SRI: variants seen among roughly 807,000 people sequenced by gnomAD.
The protein encoded by SRI is 22 kDa protein.
SRI carries 30 observed loss-of-function variants against 33.3 expected under a neutral mutation model. The ratio of observed to expected loss-of-function variants is 0.90; its 90% confidence interval spans 0.67 to 1.22. SRI has a LOEUF of 1.22. Ranked by LOEUF, SRI falls within the 50% of genes most tolerant of loss-of-function variation. The pLI is 0.00. For missense variants in SRI, 243 were observed against 250.8 expected (o/e 0.97, Z 0.21); for synonymous variants, 75 against 89.9 (o/e 0.83, Z 0.94).
rs144922456 is a variant in SRI at position 88,210,290 on chromosome 7, C to A, written c.250-160G>T. ...TTAATGATTTAAAAATAGAAAGGGG[C>A]TATGGAGAAAAAGCTCAAGTGCCAA... On this transcript the variant is annotated intron_variant, in intron 4 of 7. Coordinates refer to ENST00000265729, the MANE Select transcript of SRI (RefSeq NM_003130.4). 1.4e-5 allele frequency: 12 copies of A among 887,682 alleles called. No homozygotes were observed. The East Asian group carries it at 2.7e-4, about 20-fold the overall frequency. The allele number at this position is 887,682 out of a possible 1,614,324, so 55.0% of individuals were successfully genotyped here.
intron 3 of SRI, among the ~76,000 whole-genome samples, chr7:88,214,244 G>A (rs1405945877): frequency 6.6e-6 from 1 of 152,212 alleles, no homozygotes; most frequent in East Asian, 1.9e-4. Flanking sequence ...AGCAAAGAGA[G>A]AAGTAGAAGG....
chr7:88,206,294 G>T lies in SRI; in HGVS notation c.*184C>A. 2 of 701,052 alleles carry T rather than the reference G, an allele frequency of 2.9e-6. No homozygotes were observed. Among genetic ancestry groups the T allele is most frequent in the Non-Finnish European group, 5.0e-6 (2 of 402,698 alleles). The allele number at this position is 701,052 out of a possible 1,614,324, so 43.4% of individuals were successfully genotyped here. On this transcript the variant is annotated 3_prime_UTR_variant, in exon 8 of 8. Transcript: ENST00000265729. ...GTGTAACAGACTAGATCTTATTAAA[G>T]TTCCAAAGAATTTATTATCAAAACT...
At chr7:88,206,536 C>T (rs1851442415) in intron 7 of SRI, 32 bp from the exon 8 acceptor site, 1 of 1,613,108 alleles carries the variant, frequency 6.2e-7, no homozygotes. Context: ...TATGACAGAC[C>T]TCAAAGCACT....
chr7:88,225,863 T>C (rs1010126678), intron 1 of SRI, among the ~76,000 whole-genome samples: 2 of 152,218 alleles, frequency 1.3e-5, no homozygotes, highest in African/African-American at 2.4e-5. Flanking sequence ...TAAGAGTTCA[T>C]TTTAGTGCAG....
chr7:88,212,727 T>C (rs764739802), intron 3 of SRI, among the ~76,000 whole-genome samples: 4 of 152,124 alleles, frequency 2.6e-5, no homozygotes, highest in Non-Finnish European at 4.4e-5. Context: ...AGGTGATAGA[T>C]ATTCATGTTA....
intron 3 of SRI, among the ~76,000 whole-genome samples, chr7:88,211,855 T>C (rs561895021): frequency 1.2e-4 from 18 of 152,216 alleles, no homozygotes; most frequent in Non-Finnish European, 2.1e-4. Context: ...TTTAGGAGTA[T>C]TATGAGGGCA....
At position 88,206,464 on chromosome 7, in the gene SRI, A is replaced by G. The variant is rs919555611; in HGVS notation, c.*14T>C. ...GTTGGAATGTTGATTACATTCATGCAGCTTCCTCTTGATTTAAACACTCAT... is the reference window on the plus strand; with the variant it reads ...GTTGGAATGTTGATTACATTCATGCGGCTTCCTCTTGATTTAAACACTCAT... On this transcript the variant is annotated 3_prime_UTR_variant, in exon 8 of 8. Transcript: ENST00000265729. 2 of 1,613,786 alleles carry G rather than the reference A, an allele frequency of 1.2e-6. No homozygotes were observed. The highest frequency in any genetic ancestry group is 1.7e-6 in the Non-Finnish European group (2 of 1,179,830).
Position 88,217,183 on chromosome 7 carries a change from C to G in SRI, c.144G>C (p.Gln48His), listed in dbSNP as rs769909055. 1 of 1,612,462 alleles carries G rather than the reference C, an allele frequency of 6.2e-7. No homozygotes were observed. The highest frequency in any genetic ancestry group is 1.3e-5 in the African/African-American group (1 of 74,876). ...ATCTCTGCAATTCATCAGCATCTAT[C>G]TGCCCATCCTTTTGAAAAAAAATTA... ...YFAAVAGQDGQIDADELQRCL... is the reference protein window; with the variant it reads ...YFAAVAGQDGHIDADELQRCL... Residue 48 changes from glutamine (Q) to histidine (H), a missense_variant, in exon 3 of 8, where the codon CAG becomes CAC. By Grantham distance (24) the Gln-to-His change is conservative. Coordinates refer to ENST00000265729, the MANE Select transcript of SRI (RefSeq NM_003130.4).
chr7:88,212,709 A>G (rs970050361), intron 3 of SRI, among the ~76,000 whole-genome samples: 1 of 152,190 alleles, frequency 6.6e-6, no homozygotes, highest in African/African-American at 2.4e-5. Context: ...GAATTTTAGC[A>G]GATGTGCAGG....
At chr7:88,220,080 C>T, upstream of SRI, 1 of 1,471,316 alleles carries the variant, frequency 6.8e-7, no homozygotes, top group Middle Eastern at 2.4e-4. Context: ...CTCTCCGCCC[C>T]CTGCCCCGCC....
chr7:88,226,810 A>G, intron 1 of SRI: 1 of 1,311,950 alleles, frequency 7.6e-7, no homozygotes, highest in Non-Finnish European at 1.1e-6. Flanking sequence ...GGATCAGTAG[A>G]ACTACAAAGA....
At chr7:88,207,182 G>C (rs1425107380) in intron 7 of SRI, among the ~76,000 whole-genome samples, 2 of 152,182 alleles carry the variant, frequency 1.3e-5, no homozygotes, top group African/African-American at 2.4e-5. Flanking sequence ...CCCTATTTTA[G>C]AGAAAAGGAA....
Position 88,219,984 on chromosome 7 carries a change from G to C in SRI, c.43C>G (p.Pro15Ala). Residue 15 changes from proline to alanine, a missense_variant, in exon 1 of 8, where the codon CCA (proline) becomes GCA (alanine). Pro to Ala is a conservative substitution (Grantham distance 27). Transcript: ENST00000265729. ...GHPGAGGGYY[P>A]GGYGGAPGGP... is the part of the protein sequence containing the mutation. ...GCGCAGTCAGCACTTACCCCGCCTG[G>C]GTAGTACCCGCCGCCGGCGCCAGGA... 2 of 1,539,250 alleles carry C rather than the reference G, an allele frequency of 1.3e-6. No homozygotes were observed. The highest frequency in any genetic ancestry group is 1.7e-6 in the Non-Finnish European group (2 of 1,146,568).
intron 3 of SRI, among the ~76,000 whole-genome samples, chr7:88,211,191 G>A (rs1018417867): frequency 3.9e-5 from 6 of 152,196 alleles, no homozygotes; most frequent in East Asian, 3.9e-4. Flanking sequence ...GGTGGCTCAC[G>A]CCTGTAATCC....
upstream of SRI, among the ~76,000 whole-genome samples, chr7:88,224,052 C>G (rs1461456993): frequency 6.6e-6 from 1 of 152,174 alleles, no homozygotes; most frequent in African/African-American, 2.4e-5. Context: ...ATACTCCAAT[C>G]CTGCTGTTTA....
intron 1 of SRI, 107 bp downstream of exon 1, chr7:88,219,868 CG>C: frequency 7.3e-7 from 1 of 1,369,304 alleles, no homozygotes; most frequent in East Asian, 2.7e-5. Flanking sequence ...GGAAGGAGCC[CG>C]GGTAGCCGCC....
upstream of SRI, chr7:88,220,053 C>G: frequency 6.6e-7 from 1 of 1,515,770 alleles, no homozygotes; most frequent in Non-Finnish European, 8.8e-7. Flanking sequence ...CAGCCGCCCT[C>G]GCCCTGTGCG....
chr7:88,213,605 A>T (rs1385135985), intron 3 of SRI, among the ~76,000 whole-genome samples: 5 of 152,068 alleles, frequency 3.3e-5, no homozygotes, highest in African/African-American at 1.2e-4. Context: ...CCTCTCTCTT[A>T]TCCCAGTGCT....
intron 1 of SRI, among the ~76,000 whole-genome samples, chr7:88,225,458 C>A (rs1365008725): frequency 6.6e-6 from 1 of 152,136 alleles, no homozygotes; most frequent in African/African-American, 2.4e-5. Flanking sequence ...TGCTAAAGGG[C>A]AGTTTTGTAC....
Sources: gnomAD v4.1 joint callset for allele counts (sites outside exome capture counted in the v4.1 genomes callset) on GRCh38, gnomAD v4.1.1 for gene constraint, MANE v1.5 for transcripts, NCBI Gene and HGNC (gene_info 2026-07-23, HGNC 2026-07-21) for gene names.